Variants in HECW1 observed in about 807,000 individuals in gnomAD.
HECW1 encodes the protein E3 ubiquitin-protein ligase HECW1.
Under a neutral mutation model 182.3 loss-of-function variants are expected in HECW1, and 61 were observed. That is an observed-to-expected ratio of 0.33 (90% confidence interval 0.27 to 0.41). The LOEUF (loss-of-function observed/expected upper bound fraction) is 0.41, where lower values mean the gene tolerates loss of function less well. Among genes scored for constraint, HECW1 ranks in the 10% least tolerant of loss-of-function variants. HECW1 has a pLI of 1.00. For synonymous variants in HECW1, 859 were observed against 832.6 expected, an observed-to-expected ratio of 1.03 and a Z score of -0.55; for missense variants, 1,739 against 2,108.9, an observed-to-expected ratio of 0.82 and a Z score of 3.44.
At chr7:43,310,930 C>G (rs893632988) in intron 3 of HECW1, among the ~76,000 whole-genome samples, 2 of 152,148 alleles carry the variant, frequency 1.3e-5, no homozygotes, top group South Asian at 2.1e-4. Context: ...TTGATGAAGT[C>G]AGAATCACCC....
rs1480756466 is a variant in HECW1, at chr7:43,255,588, ACT to A, written c.27+11659_27+11660del. 6.1e-5 allele frequency among the ~76,000 whole-genome samples: 9 copies of A among 146,808 alleles called. No individual in the cohort carries two copies. In the East Asian group the frequency reaches 1.8e-3, roughly 29 times the overall value. Reference sequence around the variant, plus strand: ...CTCCAGCCTGGGTGACAAGAGTGAAACTCTGTCTAAAAAAAAAAAAAAAAACA... The same window carrying A: ...CTCCAGCCTGGGTGACAAGAGTGAAACTGTCTAAAAAAAAAAAAAAAAACA... On this transcript the variant is annotated intron_variant, in intron 3 of 29. Coordinates refer to ENST00000395891, the MANE Select transcript of HECW1 (RefSeq NM_015052.5).
chr7:43,551,290 A>G (rs1371703995), intron 27 of HECW1, among the ~76,000 whole-genome samples: 1 of 152,164 alleles, frequency 6.6e-6, no homozygotes, highest in East Asian at 1.9e-4. Flanking sequence ...CTAACAAAAC[A>G]AGTCTTCCCA....
intron 24 of HECW1, chr7:43,522,382 A>C (rs1223477324): frequency 6.6e-6 from 1 of 152,204 alleles, no homozygotes; most frequent in Non-Finnish European, 1.5e-5. Flanking sequence ...CATCCAGAAG[A>C]GAATCTCCCA....
chr7:43,177,357 C>T (rs978611670), intron 2 of HECW1, among the ~76,000 whole-genome samples: 1 of 152,178 alleles, frequency 6.6e-6, no homozygotes, highest in Non-Finnish European at 1.5e-5. Context: ...GATCATGTCA[C>T]CCTTCATTCA....
chr7:43,485,857 TA>T (rs1045419742), intron 17 of HECW1, among the ~76,000 whole-genome samples: 19 of 152,274 alleles, frequency 1.2e-4, no homozygotes, highest in African/African-American at 4.3e-4. Context: ...TAGGCTACAC[TA>T]AATTTTTTTT....
intron 3 of HECW1, among the ~76,000 whole-genome samples, chr7:43,264,597 G>A (rs1012925668): frequency 6.6e-6 from 1 of 152,068 alleles, no homozygotes; most frequent in Non-Finnish European, 1.5e-5. Context: ...TGTAATCTCA[G>A]CACTTTGGGA....
Position 43,523,215 on chromosome 7 carries a change from G to A in HECW1, c.4019+14094G>A, listed in dbSNP as rs543410186. On this transcript the variant is annotated intron_variant, in intron 24 of 29. Transcript: ENST00000395891. ...TAAGGGGTTTCTCCATGTTGGCCGG[G>A]GGGGGTCTCGAACTCCTGACCTCAG... 10 of 240,030 alleles carry A rather than the reference G, an allele frequency of 4.2e-5. No individual in the cohort carries two copies. In the East Asian group the frequency reaches 1.5e-3, roughly 37 times the overall value. 14.9% of individuals were successfully genotyped at this position (240,030 alleles called of 1,614,324 possible). A position where few individuals can be genotyped will look rare whatever the true frequency, so the allele number is the denominator to read the frequency against.
chr7:43,359,069 AC>A (rs1486031339), intron 5 of HECW1, among the ~76,000 whole-genome samples: 1 of 151,784 alleles, frequency 6.6e-6, no homozygotes, highest in Non-Finnish European at 1.5e-5. Context: ...CAAATGATCC[AC>A]CCACCTCGGC....
chr7:43,466,121 GAAAA>G (rs1177535106), intron 14 of HECW1, among the ~76,000 whole-genome samples: 18 of 137,394 alleles, frequency 1.3e-4, no homozygotes, highest in African/African-American at 1.6e-4. Flanking sequence ...ATGAAAGAAA[GAAAA>G]AGAAAGAAAG....
chr7:43,294,990 C>T (rs900564516), intron 3 of HECW1, among the ~76,000 whole-genome samples: 4 of 152,014 alleles, frequency 2.6e-5, no homozygotes, highest in African/African-American at 7.3e-5. Flanking sequence ...AGCAGGACAA[C>T]GCCAAGCAGG....
intron 8 of HECW1, among the ~76,000 whole-genome samples, chr7:43,433,285 A>G (rs755271828): frequency 2.7e-4 from 41 of 152,244 alleles, no homozygotes; most frequent in Non-Finnish European, 2.6e-4. Flanking sequence ...TCCTAACTGT[A>G]ACATTATTTG....
At position 43,311,075 on chromosome 7, in the gene HECW1, T is replaced by A. The variant is rs541024629; in HGVS notation, c.28-688T>A. ...CTCAAAGTTGTAAACAATACAAAAA[T>A]GCATTTTTTCTCATCAGGTACAATG... is the stretch of plus-strand genomic sequence containing the variant. On this transcript the variant is annotated intron_variant, in intron 3 of 29. Transcript: ENST00000395891. Among the ~76,000 whole-genome samples, 6 of 152,290 alleles carry A rather than the reference T, an allele frequency of 3.9e-5. No individual in the cohort carries two copies. In the East Asian group the frequency reaches 1.2e-3, roughly 29 times the overall value.
intron 6 of HECW1, among the ~76,000 whole-genome samples, chr7:43,380,738 A>G (rs534031165): frequency 6.6e-6 from 1 of 152,184 alleles, no homozygotes; most frequent in Non-Finnish European, 1.5e-5. Context: ...CATGTTGGCC[A>G]GGTTGATCTC....
chr7:43,308,648 G>A (rs533038015), intron 3 of HECW1, among the ~76,000 whole-genome samples: 6 of 147,346 alleles, frequency 4.1e-5, no homozygotes, highest in Middle Eastern at 7.1e-3. Context: ...TTTTTGAGAC[G>A]GGGTCTCGCT....
At chr7:43,138,658 C>T (rs1475121808) in intron 2 of HECW1, among the ~76,000 whole-genome samples, 1 of 152,222 alleles carries the variant, frequency 6.6e-6, no homozygotes, top group Admixed American at 6.5e-5. Context: ...GACAATTAGG[C>T]TAGTGTTCTG....
chr7:43,366,910 C>A (rs548071939), intron 6 of HECW1, among the ~76,000 whole-genome samples: 1 of 152,268 alleles, frequency 6.6e-6, no homozygotes, highest in Non-Finnish European at 1.5e-5. Context: ...GAGCAGGCAG[C>A]CTTACACAGA....
intron 2 of HECW1, among the ~76,000 whole-genome samples, chr7:43,220,215 A>C (rs1796825728): frequency 6.6e-6 from 1 of 152,234 alleles, no homozygotes; most frequent in South Asian, 2.1e-4. Context: ...AAAAGGAGAC[A>C]AATCAGAACC....
rs1357916542 is a variant in HECW1, at chr7:43,420,359, A to G, written c.801+12628A>G. Among the ~76,000 whole-genome samples, 5 of 152,246 alleles carry G rather than the reference A, an allele frequency of 3.3e-5. No individual in the cohort carries two copies. The East Asian group carries it at 5.8e-4, about 18-fold the overall frequency. ...AATAATAACAATAAAATCCACAGCA[A>G]ACACTATACTTACTGGTAAAATATT... On this transcript the variant is annotated intron_variant, in intron 8 of 29. Transcript: ENST00000395891.
chr7:43,423,307 T>C (rs760491977), intron 8 of HECW1, among the ~76,000 whole-genome samples: 43 of 152,192 alleles, frequency 2.8e-4, no homozygotes, highest in Non-Finnish European at 5.6e-4. Flanking sequence ...ACCAGTTCTT[T>C]TGTTAGTAAA....
Sources: allele counts gnomAD v4.1 joint callset (sites outside exome capture counted in the v4.1 genomes callset), GRCh38; gene constraint gnomAD v4.1.1; transcripts MANE v1.5; gene names NCBI Gene and HGNC (gene_info 2026-07-23, HGNC 2026-07-21).